FBXO21: variants seen among roughly 807,000 people sequenced by gnomAD.
FBXO21 encodes the protein F-box only protein 21.
Under a neutral mutation model 76.6 loss-of-function variants are expected in FBXO21, and 32 were observed. That is an observed-to-expected ratio of 0.42 (90% CI 0.32 to 0.56). The LOEUF (loss-of-function observed/expected upper bound fraction) is 0.56. Among genes scored for constraint, FBXO21 ranks in the 20% least tolerant of loss-of-function variants. The pLI, the probability that FBXO21 is intolerant of heterozygous loss-of-function variation, is 0.16. For missense variants in FBXO21, 586 were observed against 797.3 expected (o/e 0.73, Z 3.19); for synonymous variants, 328 against 311.5 (o/e 1.05, Z -0.56).
chr12:117,150,977 TG>T (rs1955835456), intron 11 of FBXO21, among the ~76,000 whole-genome samples: 2 of 149,672 alleles, frequency 1.3e-5, no homozygotes, highest in African/African-American at 4.9e-5. Flanking sequence ...TGTGTGTGTG[TG>T]TGTGTGTGTG....
intron 11 of FBXO21, among the ~76,000 whole-genome samples, chr12:117,149,205 G>A (rs113040999): frequency 6.6e-6 from 1 of 152,118 alleles, no homozygotes; most frequent in African/African-American, 2.4e-5. Flanking sequence ...TTGCTACGTT[G>A]CCCAGGTTGT....
rs750499953 is a variant in FBXO21 at position 117,190,225 on chromosome 12, G to C, written c.232C>G (p.Arg78Gly). ...GCGGGGCCGCTGGCTCACCTCACCC[G>C]GAACTGCTCCTTCCACACCTTCCCG... ...SSGKVWKEQFRVRWPSLMKHY... is the reference protein window; with the variant it reads ...SSGKVWKEQFGVRWPSLMKHY... Residue 78 changes from arginine (R) to glycine (G), a missense_variant, in exon 1 of 12, where the codon CGG (arginine) becomes GGG (glycine). Physicochemically the swap from Arg to Gly is moderately radical, Grantham distance 125. This residue lies in a region of FBXO21 where 152 missense variants were observed against 127.2 expected (regional missense o/e 1.19). Transcript: ENST00000622495. 55 of 1,502,100 alleles carry C rather than the reference G, an allele frequency of 3.7e-5. No homozygotes were observed. Among genetic ancestry groups the C allele is most frequent in the Non-Finnish European group, 4.5e-5 (51 of 1,131,952 alleles). The allele number at this position is 1,502,100 out of a possible 1,614,324, so 93.0% of individuals were successfully genotyped here. A position where few individuals can be genotyped will look rare whatever the true frequency, so the allele number is the denominator to read the frequency against.
intron 7 of FBXO21, among the ~76,000 whole-genome samples, chr12:117,167,532 G>A (rs1369836570): frequency 6.6e-6 from 1 of 151,996 alleles, no homozygotes; most frequent in African/African-American, 2.4e-5. Flanking sequence ...GGATCACAAG[G>A]TGAGCAGATT....
At chr12:117,156,278 T>C (rs2135853108) in intron 10 of FBXO21, among the ~76,000 whole-genome samples, 1 of 152,202 alleles carries the variant, frequency 6.6e-6, no homozygotes, top group South Asian at 2.1e-4. Flanking sequence ...ACTTCTAAAA[T>C]AGAAAGTATC....
intron 9 of FBXO21, among the ~76,000 whole-genome samples, chr12:117,161,810 C>T (rs1348970254): frequency 6.6e-6 from 1 of 152,158 alleles, no homozygotes; most frequent in Admixed American, 6.5e-5. Flanking sequence ...CATCCTTCAG[C>T]CTTGAAGGGA....
At position 117,190,343 on chromosome 12, in the gene FBXO21, C is replaced by A; in HGVS notation, c.114G>T (p.Leu38=). The A allele has an allele frequency of 1.9e-6, 3 of 1,541,122 alleles. No individual in the cohort carries two copies. Among genetic ancestry groups the A allele is most frequent in the Non-Finnish European group, 2.6e-6 (3 of 1,153,814 alleles). The change falls in exon 1 of 12, where the codon CTG becomes CTT. Residue 38 remains leucine, a synonymous_variant. Transcript: ENST00000622495. ...GCGAGCCGCAGCACAGGATGTACTC[C>A]AGCACCTCACCCGGCAGGTTGACGA... ...SCLVNLPGEV[L]EYILCCGSLT...
In FBXO21 at chr12:117,174,894, C is replaced by T. The variant is rs200107681; in HGVS notation, c.593-97G>A. Reference sequence around the variant, plus strand: ...GGACATCCTGGGACATGGCTCTTTACACCATCCCACTGGACAAGCTTCATG... The same window carrying T: ...GGACATCCTGGGACATGGCTCTTTATACCATCCCACTGGACAAGCTTCATG... On this transcript the variant is annotated intron_variant, in intron 4 of 11. Coordinates refer to ENST00000622495, the MANE Select transcript of FBXO21 (RefSeq NM_015002.3). 8.1e-6 allele frequency: 10 copies of T among 1,237,120 alleles called. No homozygotes were observed. The East Asian group carries it at 1.7e-4, about 21-fold the overall frequency. The allele number at this position is 1,237,120 out of a possible 1,614,324, so 76.6% of individuals were successfully genotyped here.
chr12:117,179,591 TG>T (rs1325860973), intron 3 of FBXO21, among the ~76,000 whole-genome samples: 3 of 152,188 alleles, frequency 2.0e-5, no homozygotes, highest in African/African-American at 7.2e-5. Context: ...TCCTGTAAAT[TG>T]GATGTAGAGG....
rs771373916 is a variant in FBXO21, at chr12:117,174,270, C to T, written c.811G>A (p.Asp271Asn). ...VLDAMNYVLYDQLKFKGNRMD... is the reference protein window; with the variant it reads ...VLDAMNYVLYNQLKFKGNRMD... ...CGATTCCCCTTGAACTTCAGTTGGT[C>T]GTAAAGGACATAGTTCATGGCATCC... Residue 271 changes from aspartate (D) to asparagine (N), a missense_variant, in exon 6 of 12, where the codon GAC becomes AAC. Around this residue, in one of 6 missense-constraint regions of FBXO21, gnomAD observed 246 missense variants for 356.8 expected, o/e 0.69. Transcript: ENST00000622495. 4.3e-6 allele frequency: 7 copies of T among 1,613,398 alleles called. No homozygotes were observed. The highest frequency in any genetic ancestry group is 1.1e-5 in the South Asian group (1 of 91,066).
At chr12:117,177,186 T>C (rs1336440740) in intron 4 of FBXO21, among the ~76,000 whole-genome samples, 3 of 152,204 alleles carry the variant, frequency 2.0e-5, no homozygotes, top group Non-Finnish European at 4.4e-5. Flanking sequence ...CAAAATTGGA[T>C]ACATTTACTT....
rs143542785 is a variant in FBXO21 at position 117,163,045 on chromosome 12, G to A, written c.1326+2440C>T. On this transcript the variant is annotated intron_variant, in intron 9 of 11. Coordinates refer to ENST00000622495, the MANE Select transcript of FBXO21 (RefSeq NM_015002.3). ...CCTTGGCTGTCTCAGGGGCCCTAGC[G>A]GGATTATGCATTTATTAAGGGTAGG... 9.1e-3 allele frequency among the ~76,000 whole-genome samples: 1,382 copies of A among 152,300 alleles called. 4 individuals are homozygous for A. The highest frequency in any genetic ancestry group is 0.017 in the Middle Eastern group (5 of 294).
intron 10 of FBXO21, among the ~76,000 whole-genome samples, chr12:117,157,198 GAAAA>G (rs1030626424): frequency 6.7e-6 from 1 of 150,002 alleles, no homozygotes; most frequent in Non-Finnish European, 1.5e-5. Context: ...AAAAAAAAAA[GAAAA>G]AAAGAAAAGA....
rs181654270 is a variant in FBXO21, at chr12:117,186,880, A to C, written c.376-309T>G. On this transcript the variant is annotated intron_variant, in intron 2 of 11. Transcript: ENST00000622495. Reference sequence around the variant, plus strand: ...AGTGGTTCATGACTGTAATCCCAGAACTTTGGGAGGCCAAGGCAGGCAGAT... The same window carrying C: ...AGTGGTTCATGACTGTAATCCCAGACCTTTGGGAGGCCAAGGCAGGCAGAT... Among the ~76,000 whole-genome samples, 114 of 152,330 alleles carry C rather than the reference A, an allele frequency of 7.5e-4. 2 individuals carry two copies. The East Asian group carries it at 0.02, about 27-fold the overall frequency.
chr12:117,180,109 T>C (rs77209189), intron 3 of FBXO21, among the ~76,000 whole-genome samples: 9,695 of 152,188 alleles, frequency 0.064, 1,030 homozygotes, highest in African/African-American at 0.22. Context: ...CATAAAGTAG[T>C]GTCAGTTTTC....
Position 117,145,188 on chromosome 12 carries a change from T to C in FBXO21, c.*899A>G, listed in dbSNP as rs1489457817. ...TCTAAGAGCAAACATTAACATCAGA[T>C]TTGTATGTCTCACTACAAAAAGAAC... is the stretch of plus-strand genomic sequence containing the variant. On this transcript the variant is annotated 3_prime_UTR_variant, in exon 12 of 12. Coordinates refer to ENST00000622495, the MANE Select transcript of FBXO21 (RefSeq NM_015002.3). 1.3e-5 allele frequency: 2 copies of C among 151,808 alleles called. No individual in the cohort carries two copies. The highest frequency in any genetic ancestry group is 2.4e-5 in the African/African-American group (1 of 41,334). The allele number at this position is 151,808 out of a possible 1,614,324, so 9.4% of individuals were successfully genotyped here.
At chr12:117,168,589 A>G (rs1174354036) in intron 7 of FBXO21, among the ~76,000 whole-genome samples, 1 of 152,180 alleles carries the variant, frequency 6.6e-6, no homozygotes, top group African/African-American at 2.4e-5. Context: ...TAAGAATTAC[A>G]TAAATGTTCT....
chr12:117,176,102 C>T (rs567530290), intron 4 of FBXO21, among the ~76,000 whole-genome samples: 7 of 152,314 alleles, frequency 4.6e-5, no homozygotes, highest in African/African-American at 1.7e-4. Context: ...AACATTTACA[C>T]TAAGCATTGT....
At chr12:117,164,420 G>C (rs995146532) in intron 9 of FBXO21, among the ~76,000 whole-genome samples, 3 of 151,978 alleles carry the variant, frequency 2.0e-5, no homozygotes, top group African/African-American at 7.3e-5. Context: ...GGGATTACAG[G>C]TTCCCACCAC....
intron 9 of FBXO21, among the ~76,000 whole-genome samples, chr12:117,161,311 GA>G (rs933707941): frequency 6.6e-6 from 1 of 152,160 alleles, no homozygotes; most frequent in Non-Finnish European, 1.5e-5. Context: ...CAGGCACACA[GA>G]AAAAGTAGTG....
Sources: gnomAD v4.1 joint callset for allele counts (sites outside exome capture counted in the v4.1 genomes callset) on GRCh38, gnomAD v4.1.1 for gene constraint, gnomAD v4.1.1 regional missense constraint, MANE v1.5 for transcripts, NCBI Gene and HGNC (gene_info 2026-07-23, HGNC 2026-07-21) for gene names.